The following GSAP variants were observed in gnomAD, a reference collection of about 807,000 sequenced individuals.
The protein encoded by GSAP is gamma-secretase-activating protein.
GSAP carries 118 observed loss-of-function variants against 131.7 expected under a neutral mutation model. The observed-to-expected ratio is 0.90, with a 90% CI of 0.77 to 1.04. GSAP has a LOEUF of 1.04. Among genes scored for constraint, GSAP ranks in the 50% least tolerant of loss-of-function variants. The pLI, the probability that GSAP is intolerant of heterozygous loss-of-function variation, is 0.00. For synonymous variants in GSAP, 381 were observed against 363.4 expected, an observed-to-expected ratio of 1.05 and a Z score of -0.55; for missense variants, 1,019 against 1,013.2, an observed-to-expected ratio of 1.01 and a Z score of -0.08.
In GSAP at chr7:77,311,348, G is replaced by C. The variant is rs369535500; in HGVS notation, c.*10C>G. 3.7e-5 allele frequency: 57 copies of C among 1,544,474 alleles called. No individual in the cohort carries two copies. The highest frequency in any genetic ancestry group is 4.7e-5 in the Non-Finnish European group (53 of 1,117,130). Reference sequence around the variant, plus strand: ...AAATGGCAGCAGCAGATCCAATTGCGTTTTCTTTTTCATAAGCCTAAAAGC... The same window carrying C: ...AAATGGCAGCAGCAGATCCAATTGCCTTTTCTTTTTCATAAGCCTAAAAGC... On this transcript the variant is annotated 3_prime_UTR_variant, in exon 31 of 31. Coordinates refer to ENST00000257626, the MANE Select transcript of GSAP (RefSeq NM_017439.4).
chr7:77,338,258 CCA>C (rs950116725), intron 19 of GSAP, among the ~76,000 whole-genome samples: 57 of 152,272 alleles, frequency 3.7e-4, no homozygotes, highest in African/African-American at 1.3e-3. Context: ...CTAGAGCAAT[CCA>C]CAGTTTACAA....
At position 77,374,070 on chromosome 7, in the gene GSAP, C is replaced by G; in HGVS notation, c.871G>C (p.Gly291Arg). 6.7e-7 allele frequency: 1 copy of G among 1,501,270 alleles called. No individual in the cohort carries two copies. The highest frequency in any genetic ancestry group is 9.2e-7 in the Non-Finnish European group (1 of 1,083,344). 93.0% of individuals were successfully genotyped at this position (1,501,270 alleles called of 1,614,324 possible). ...ATTGATAAATACAACCCTAGTTTAC[C>G]TGTATGGTTGGTAAAAACACACAGA... Reference protein sequence around the residue: ...LTLCVFTNHTGSLCVCYSPKC... With the variant: ...LTLCVFTNHTRSLCVCYSPKC... Residue 291 changes from glycine (G) to arginine (R), a missense_variant and splice_region_variant, in exon 12 of 31, where the codon GGA (glycine) becomes CGA (arginine). Gly to Arg is a moderately radical substitution (Grantham distance 125, BLOSUM62 -2). Coordinates refer to ENST00000257626, the MANE Select transcript of GSAP (RefSeq NM_017439.4).
chr7:77,361,329 C>T (rs191504905), intron 13 of GSAP, among the ~76,000 whole-genome samples: 10 of 152,152 alleles, frequency 6.6e-5, no homozygotes, highest in Admixed American at 4.6e-4. Context: ...GGGAATTAGT[C>T]GAGCTAATAA....
chr7:77,381,405 G>C, intron 7 of GSAP, 51 bp from the exon 8 acceptor site: 1 of 943,808 alleles, frequency 1.1e-6, no homozygotes, highest in Non-Finnish European at 1.6e-6. Context: ...AAATATATGA[G>C]TACTATTTTT....
Position 77,372,459 on chromosome 7 carries a change from T to C in GSAP, c.871+1611A>G, listed in dbSNP as rs534868913. On this transcript the variant is annotated intron_variant, in intron 12 of 30. Coordinates refer to ENST00000257626, the MANE Select transcript of GSAP (RefSeq NM_017439.4). ...AGAAAATAAAGTTTATTGATTAATG[T>C]GATTAATTTATTTCAGTAATAAGGG... Among the ~76,000 whole-genome samples the C allele has an allele frequency of 2.6e-5, 4 of 152,336 alleles. No homozygotes were observed. The East Asian group carries it at 7.7e-4, about 29-fold the overall frequency.
chr7:77,413,815 T>C (rs539026801), intron 1 of GSAP, among the ~76,000 whole-genome samples: 136 of 151,908 alleles, frequency 9.0e-4, no homozygotes, highest in Non-Finnish European at 1.6e-3. Context: ...GACATTGCTC[T>C]GTTTTTAAGC....
intron 12 of GSAP, among the ~76,000 whole-genome samples, chr7:77,365,394 ACT>A (rs1398009528): frequency 2.0e-5 from 3 of 151,452 alleles, no homozygotes; most frequent in Non-Finnish European, 4.4e-5. Context: ...CCCACCCTCC[ACT>A]CTCAAGAAGA....
chr7:77,387,261 T>C (rs992529524), intron 6 of GSAP, 99 bp downstream of exon 6: 9 of 687,484 alleles, frequency 1.3e-5, no homozygotes, highest in Middle Eastern at 2.6e-4. Context: ...GTTCTGAGGA[T>C]TAAATATGAT....
Position 77,314,356 on chromosome 7 carries a change from T to G in GSAP, c.2209+14A>C, listed in dbSNP as rs1454210147. 1.2e-6 allele frequency: 2 copies of G among 1,613,004 alleles called. No individual in the cohort carries two copies. Among genetic ancestry groups the G allele is most frequent in the Non-Finnish European group, 1.7e-6 (2 of 1,179,594 alleles). ...GGCTGGAACTAGCACTCTGGCAAAC[T>G]CAGGGCTTCTTACCTTTCATGAGCC... On this transcript the variant is annotated intron_variant, in intron 27 of 30. Transcript: ENST00000257626.
Position 77,374,086 on chromosome 7 carries a change from A to C in GSAP, c.855T>G (p.Val285=). The change falls in exon 12 of 31, where the codon GTT becomes GTG. Residue 285 remains valine, a synonymous_variant. Transcript: ENST00000257626. ...CTAGTTTACCTGTATGGTTGGTAAAAACACACAGAGTCAGGTGTTTGGAAA... is the reference window on the plus strand; with the variant it reads ...CTAGTTTACCTGTATGGTTGGTAAACACACACAGAGTCAGGTGTTTGGAAA... ...DKFSKHLTLC[V]FTNHTGSLCV... is the part of the protein sequence containing the mutation. 1 of 1,574,346 alleles carries C rather than the reference A, an allele frequency of 6.4e-7. No homozygotes were observed. Among genetic ancestry groups the C allele is most frequent in the Non-Finnish European group, 8.7e-7 (1 of 1,147,418 alleles).
Position 77,416,265 on chromosome 7 carries a change from C to A in GSAP, c.57G>T (p.Leu19Phe). The A allele has an allele frequency of 6.7e-7, 1 of 1,496,098 alleles. No homozygotes were observed. Among genetic ancestry groups the A allele is most frequent in the African/African-American group, 1.5e-5 (1 of 68,596 alleles). 92.7% of individuals were successfully genotyped at this position (1,496,098 alleles called of 1,614,324 possible). The change falls in exon 1 of 31, where the codon TTG becomes TTT. Residue 19 changes from leucine to phenylalanine, a missense_variant. Physicochemically the swap from Leu to Phe is conservative, Grantham distance 22. Transcript: ENST00000257626. ...CCTCCGACACTGCCCGCTGCGCCCG[C>A]AACCACGGGAGCACGTCCTTCCCGA... is the stretch of plus-strand genomic sequence containing the variant. ...FDLGKDVLPWLRAQRAVSEAS... is the reference protein window; with the variant it reads ...FDLGKDVLPWFRAQRAVSEAS...
intron 9 of GSAP, 76 bp downstream of exon 9, chr7:77,377,210 C>T: frequency 1.6e-6 from 2 of 1,221,654 alleles, no homozygotes; most frequent in Non-Finnish European, 2.1e-6. Context: ...GAGCAAGACC[C>T]TGTCTCTAAA....
chr7:77,330,066 A>G (rs765115533), intron 20 of GSAP, 173 bp downstream of exon 20: 201 of 662,252 alleles, frequency 3.0e-4, no homozygotes, highest in Non-Finnish European at 4.4e-4. Context: ...CCCTAGGAGA[A>G]CAGAGATCAT....
intron 18 of GSAP, chr7:77,351,747 A>C: frequency 1.0e-6 from 1 of 984,314 alleles, no homozygotes; most frequent in Non-Finnish European, 1.2e-6. Flanking sequence ...CACCACATCC[A>C]ATTAACATGT....
chr7:77,416,035 C>A (rs1402058227), intron 1 of GSAP, among the ~76,000 whole-genome samples, 178 bp downstream of exon 1: 1 of 152,234 alleles, frequency 6.6e-6, no homozygotes, highest in East Asian at 1.9e-4. Flanking sequence ...GACCTTCCGC[C>A]GTGGCTGGGT....
At chr7:77,355,143 T>C in intron 16 of GSAP, 70 bp downstream of exon 16, 1 of 1,040,564 alleles carries the variant, frequency 9.6e-7, no homozygotes. Context: ...TCCTGACCAT[T>C]TTCAACCACA....
chr7:77,412,918 CG>C (rs1160232034), intron 1 of GSAP, among the ~76,000 whole-genome samples: 1 of 151,986 alleles, frequency 6.6e-6, no homozygotes, highest in Non-Finnish European at 1.5e-5. Context: ...CCAGGAAAGA[CG>C]AAGATGTGCA....
intron 19 of GSAP, among the ~76,000 whole-genome samples, chr7:77,340,727 A>C (rs1305152840): frequency 6.6e-6 from 1 of 151,840 alleles, no homozygotes; most frequent in East Asian, 1.9e-4. Context: ...ATTCACCCAC[A>C]CTCCATTGGT....
chr7:77,347,854 T>C lies in GSAP; in HGVS notation c.1545+1497A>G, dbSNP rs371976859. ...AAAATTTTTCTTCACTGGTTTGTTG[T>C]CCATTAAAAAATTATGGTCCATCAT... On this transcript the variant is annotated intron_variant, in intron 19 of 30. Transcript: ENST00000257626. 3.3e-4 allele frequency among the ~76,000 whole-genome samples: 50 copies of C among 152,158 alleles called. No individual in the cohort carries two copies. The East Asian group carries it at 7.5e-3, about 23-fold the overall frequency.
Sources: gnomAD v4.1 joint callset for allele counts (sites outside exome capture counted in the v4.1 genomes callset) on GRCh38, gnomAD v4.1.1 for gene constraint, MANE v1.5 for transcripts, NCBI Gene and HGNC (gene_info 2026-07-23, HGNC 2026-07-21) for gene names.